The following GNS variants were observed in gnomAD, a reference collection of about 807,000 sequenced individuals.
The protein encoded by GNS is glucosamine (N-acetyl)-6-sulfatase.
GNS carries 40 observed loss-of-function variants against 69.7 expected under a neutral mutation model. The observed-to-expected ratio is 0.57, with a 90% CI of 0.45 to 0.75. GNS has a LOEUF of 0.75. Among genes scored for constraint, GNS ranks in the 30% least tolerant of loss-of-function variants. GNS has a pLI of 0.00. For missense variants in GNS, 565 were observed against 685.5 expected (o/e 0.82, Z 1.96); for synonymous variants, 243 against 251.6 (o/e 0.97, Z 0.32).
intron 9 of GNS, among the ~76,000 whole-genome samples, chr12:64,733,905 T>C (rs1399669332): frequency 6.6e-6 from 1 of 150,428 alleles, no homozygotes; most frequent in Non-Finnish European, 1.5e-5. Flanking sequence ...AGTCAATCTT[T>C]GACATCTACA....
chr12:64,717,265 C>T (rs1337141875), intron 13 of GNS, among the ~76,000 whole-genome samples: 5 of 152,110 alleles, frequency 3.3e-5, no homozygotes, highest in African/African-American at 9.7e-5. Context: ...AAAAAGTGAA[C>T]GCTCTTGACT....
intron 10 of GNS, among the ~76,000 whole-genome samples, chr12:64,727,654 G>A (rs1350399562): frequency 6.6e-6 from 1 of 152,256 alleles, no homozygotes; most frequent in Non-Finnish European, 1.5e-5. Context: ...CACATATTAT[G>A]TAATTTCATT....
chr12:64,716,044 A>G lies in GNS; in HGVS notation c.*697T>C, dbSNP rs886340318. The G allele has an allele frequency of 1.3e-5, 2 of 154,472 alleles. No individual in the cohort carries two copies. Among genetic ancestry groups the G allele is most frequent in the African/African-American group, 4.8e-5 (2 of 41,470 alleles). The allele number at this position is 154,472 out of a possible 1,614,324, so 9.6% of individuals were successfully genotyped here. ...GGAAAGTAGATGGCTATCACCTTCA[A>G]GAGCTACCTGGAATTGGCCTTTATC... is the stretch of plus-strand genomic sequence containing the variant. On this transcript the variant is annotated 3_prime_UTR_variant, in exon 14 of 14. Coordinates refer to ENST00000258145, the MANE Select transcript of GNS (RefSeq NM_002076.4).
At chr12:64,719,931 T>TC in intron 13 of GNS, 91 bp downstream of exon 13, 1 of 835,032 alleles carries the variant, frequency 1.2e-6, no homozygotes, top group South Asian at 1.3e-5. Context: ...AGAATCATCA[T>TC]CTCACAGCAA....
At chr12:64,733,239 A>T (rs1869460389) in intron 9 of GNS, among the ~76,000 whole-genome samples, 1 of 140,618 alleles carries the variant, frequency 7.1e-6, no homozygotes, top group Non-Finnish European at 1.5e-5. Flanking sequence ...TGGAGGATGC[A>T]GTGAGCCAAG....
In GNS at chr12:64,721,633, A is replaced by G. The variant is rs765783864; in HGVS notation, c.1381T>C (p.Leu461=). The change falls in exon 12 of 14, where the codon TTG becomes CTG. Residue 461 remains leucine (L), a synonymous_variant. Coordinates refer to ENST00000258145, the MANE Select transcript of GNS (RefSeq NM_002076.4). The stretch of plus-strand genomic sequence containing the variant: ...AACTCGCAATACTGCAAATTCCACA[A>G]TGCTGACATTGTCCTCACACAGGCA... The part of the protein sequence containing the change: ...TYACVRTMSA[L]WNLQYCEFDD... The G allele has an allele frequency of 5.0e-6, 8 of 1,597,374 alleles. No individual in the cohort carries two copies. Among genetic ancestry groups the G allele is most frequent in the East Asian group, 4.5e-5 (2 of 44,806 alleles).
intron 9 of GNS, among the ~76,000 whole-genome samples, chr12:64,732,193 A>G (rs2136242184): frequency 1.4e-5 from 1 of 69,370 alleles, no homozygotes; most frequent in African/African-American, 5.7e-5. Flanking sequence ...TTTGAGACGG[A>G]GTCTCACTCT....
At chr12:64,723,820 C>G (rs1263385344) in intron 10 of GNS, among the ~76,000 whole-genome samples, 2 of 152,178 alleles carry the variant, frequency 1.3e-5, no homozygotes, top group Non-Finnish European at 2.9e-5. Flanking sequence ...GACAAGGAAG[C>G]AGTGCACAGT....
intron 3 of GNS, among the ~76,000 whole-genome samples, chr12:64,747,295 T>C (rs1869924945): frequency 6.6e-6 from 1 of 152,340 alleles, no homozygotes; most frequent in South Asian, 2.1e-4. Flanking sequence ...CTAAGAAATC[T>C]GAGGAAAGAT....
In GNS at chr12:64,713,921, CAGG is replaced by C. The variant is rs1334129430; in HGVS notation, c.*2817_*2819del. On this transcript the variant is annotated 3_prime_UTR_variant, in exon 14 of 14. Transcript: ENST00000258145. ...CCGAGAAAGGTGGATCACCTGAGGTCAGGAGTTAATCAGCCTGGCCAACATGGT... is the reference window on the plus strand; with the variant it reads ...CCGAGAAAGGTGGATCACCTGAGGTCAGTTAATCAGCCTGGCCAACATGGT... 6.6e-6 allele frequency: 1 copy of C among 152,128 alleles called. No individual in the cohort carries two copies. The highest frequency in any genetic ancestry group is 1.5e-5 in the Non-Finnish European group (1 of 68,052). 9.4% of individuals were successfully genotyped at this position (152,128 alleles called of 1,614,324 possible). A position where few individuals can be genotyped will look rare whatever the true frequency, so the allele number is the denominator to read the frequency against.
At position 64,728,990 on chromosome 12, in the gene GNS, G is replaced by A. The variant is rs944030718; in HGVS notation, c.1166C>T (p.Thr389Ile). ...LDIAGYDLNK[T>I]QMDGMSLLPI... The stretch of plus-strand genomic sequence containing the variant: ...CAATAAGGACATCCCATCCATCTGT[G>A]TCTTATTTAGGTCGTAGCCAGCAAT... The change falls in exon 10 of 14, where the codon ACA (threonine) becomes ATA (isoleucine). Residue 389 changes from threonine (T) to isoleucine (I), a missense_variant. Coordinates refer to ENST00000258145, the MANE Select transcript of GNS (RefSeq NM_002076.4). 3 of 1,594,116 alleles carry A rather than the reference G, an allele frequency of 1.9e-6. No homozygotes were observed. The highest frequency in any genetic ancestry group is 2.6e-6 in the Non-Finnish European group (3 of 1,161,918).
At chr12:64,748,579 A>G (rs774118425) in intron 2 of GNS, among the ~76,000 whole-genome samples, 1 of 152,148 alleles carries the variant, frequency 6.6e-6, no homozygotes, top group Non-Finnish European at 1.5e-5. Context: ...AAAGAATACT[A>G]CTTGGATCTA....
intron 7 of GNS, among the ~76,000 whole-genome samples, chr12:64,740,196 A>T (rs1356432408): frequency 1.3e-5 from 2 of 152,266 alleles, no homozygotes; most frequent in East Asian, 3.8e-4. Flanking sequence ...ATGGATTTTT[A>T]AAAATTGACT....
At chr12:64,750,789 C>T (rs939036047) in intron 2 of GNS, among the ~76,000 whole-genome samples, 5 of 151,798 alleles carry the variant, frequency 3.3e-5, no homozygotes, top group African/African-American at 4.8e-5. Flanking sequence ...GCCTGTAGTC[C>T]GAGTTACTTG....
chr12:64,755,423 CAA>C (rs1565629297), intron 1 of GNS, among the ~76,000 whole-genome samples: 1 of 151,520 alleles, frequency 6.6e-6, no homozygotes, highest in Non-Finnish European at 1.5e-5. Context: ...ACTAGAAATA[CAA>C]AAATTAGCCG....
At chr12:64,717,951 A>G (rs1255061763) in intron 13 of GNS, among the ~76,000 whole-genome samples, 4 of 152,152 alleles carry the variant, frequency 2.6e-5, no homozygotes, top group African/African-American at 4.8e-5. Context: ...ATTGACCAAG[A>G]TTTTTTGTAA....
At chr12:64,722,915 T>C in intron 11 of GNS, 91 bp downstream of exon 11, 1 of 809,536 alleles carries the variant, frequency 1.2e-6, no homozygotes, top group Non-Finnish European at 2.2e-6. Context: ...AGGACTCAGA[T>C]GAAAGGTTTC....
At chr12:64,751,702 A>T (rs994882887) in intron 2 of GNS, among the ~76,000 whole-genome samples, 2 of 152,148 alleles carry the variant, frequency 1.3e-5, no homozygotes, top group African/African-American at 2.4e-5. Context: ...GAAGTCAGGC[A>T]TTGGCTGGGT....
chr12:64,747,974 A>C, intron 2 of GNS, 56 bp from the exon 3 acceptor site: 101 of 922,572 alleles, frequency 1.1e-4, no homozygotes, highest in Non-Finnish European at 1.5e-4. Flanking sequence ...TGGACTTCTC[A>C]TCATTGTTAA....
Sources: allele counts gnomAD v4.1 joint callset (sites outside exome capture counted in the v4.1 genomes callset), GRCh38; gene constraint gnomAD v4.1.1; transcripts MANE v1.5; gene names NCBI Gene and HGNC (gene_info 2026-07-23, HGNC 2026-07-21).